The following MACROD2 variants were observed in gnomAD, a reference collection of about 807,000 sequenced individuals.
MACROD2 encodes the protein mono-ADP ribosylhydrolase 2, also known as ADP-ribose glycohydrolase MACROD2.
A neutral mutation model predicts 70.4 loss-of-function variants in MACROD2; 36 were observed. The observed-to-expected ratio is 0.51, with a 90% CI of 0.39 to 0.68. MACROD2 has a LOEUF of 0.68. Ranked by LOEUF, MACROD2 falls within the 30% of genes least tolerant of loss-of-function variation. The pLI, the probability that MACROD2 is intolerant of heterozygous loss-of-function variation, is 0.00. For missense variants in MACROD2, 496 were observed against 538.4 expected (o/e 0.92, Z 0.78); for synonymous variants, 172 against 178.8 (o/e 0.96, Z 0.30).
intron 5 of MACROD2, among the ~76,000 whole-genome samples, chr20:15,163,410 G>A (rs2076361816): frequency 6.6e-6 from 1 of 151,956 alleles, no homozygotes; most frequent in Non-Finnish European, 1.5e-5. Context: ...TAGAAGAAAT[G>A]AACAAGTCTA....
intron 4 of MACROD2, among the ~76,000 whole-genome samples, chr20:14,631,625 ATT>A (rs1265304886): frequency 3.3e-5 from 5 of 152,136 alleles, no homozygotes; most frequent in Non-Finnish European, 7.3e-5. Context: ...AAATAAAAAA[ATT>A]AGCCAGGCAT....
At chr20:14,732,425 A>AT (rs1431141386) in intron 5 of MACROD2, among the ~76,000 whole-genome samples, 1 of 152,188 alleles carries the variant, frequency 6.6e-6, no homozygotes, top group Non-Finnish European at 1.5e-5. Context: ...ACCAATAAAT[A>AT]TAAGGGGTCC....
At chr20:15,917,002 C>G (rs2065328428) in intron 10 of MACROD2, among the ~76,000 whole-genome samples, 1 of 152,186 alleles carries the variant, frequency 6.6e-6, no homozygotes, top group Non-Finnish European at 1.5e-5. Flanking sequence ...TTATTACAAC[C>G]CTTTGAACAT....
intron 8 of MACROD2, among the ~76,000 whole-genome samples, chr20:15,546,123 C>A (rs2048023134): frequency 1.3e-5 from 2 of 152,248 alleles, no homozygotes; most frequent in Admixed American, 1.3e-4. Flanking sequence ...TGCATGCCTG[C>A]AATCTCAGCT....
chr20:14,972,935 T>A (rs1422069341), intron 5 of MACROD2, among the ~76,000 whole-genome samples: 2 of 152,246 alleles, frequency 1.3e-5, no homozygotes, highest in Non-Finnish European at 2.9e-5. Flanking sequence ...TTTCATTCAC[T>A]GAGACAAGTT....
rs750329954 is a variant in MACROD2, at chr20:14,326,048, G to A, written c.272-167431G>A. ...ACAGGAGTTTCATCAAATAGGTAGA[G>A]GTTGCTGGTTTCCATGGGAACCATG... On this transcript the variant is annotated intron_variant, in intron 3 of 17. Transcript: ENST00000684519. The surrounding 1 kb of genome is among the most constrained non-coding windows in gnomAD (Gnocchi z 5.5). The A allele has an allele frequency of 7.4e-6, 12 of 1,613,838 alleles. No individual in the cohort carries two copies. The highest frequency in any genetic ancestry group is 1.0e-5 in the Non-Finnish European group (12 of 1,179,900).
rs2077109783 is a variant in MACROD2, at chr20:15,246,776, T to C, written c.540+16715T>C. Among the ~76,000 whole-genome samples the C allele has an allele frequency of 2.0e-5, 3 of 152,174 alleles. No individual in the cohort carries two copies. The South Asian group carries it at 6.2e-4, about 32-fold the overall frequency. On this transcript the variant is annotated intron_variant, in intron 6 of 17. Coordinates refer to ENST00000684519, the MANE Select transcript of MACROD2 (RefSeq NM_001351661.2). The stretch of plus-strand genomic sequence containing the variant: ...ATATAAACTTATACACTAATGTTCA[T>C]AGCAGCATTATTATTAATAGCAATA...
intron 8 of MACROD2, among the ~76,000 whole-genome samples, chr20:15,831,923 T>C (rs542704184): frequency 1.3e-5 from 2 of 152,310 alleles, no homozygotes; most frequent in African/African-American, 4.8e-5. Context: ...ATGTTTGTGT[T>C]GTTTAGCAAA....
At chr20:14,088,655 A>C (rs1440511288) in intron 3 of MACROD2, among the ~76,000 whole-genome samples, 2 of 152,204 alleles carry the variant, frequency 1.3e-5, no homozygotes, top group Non-Finnish European at 2.9e-5. Context: ...CCACGTTAGC[A>C]CACACTTAAT....
chr20:15,986,299 C>CT (rs2066482635), intron 13 of MACROD2, among the ~76,000 whole-genome samples: 1 of 152,126 alleles, frequency 6.6e-6, no homozygotes, highest in South Asian at 2.1e-4. Flanking sequence ...GTTTTTTATG[C>CT]TCTGTTGATG....
At chr20:15,132,863 G>A (rs1318734195) in intron 5 of MACROD2, among the ~76,000 whole-genome samples, 1 of 152,022 alleles carries the variant, frequency 6.6e-6, no homozygotes, top group Non-Finnish European at 1.5e-5. Context: ...TGGTACTGGA[G>A]AAGAGCAAAA....
intron 13 of MACROD2, among the ~76,000 whole-genome samples, chr20:15,979,454 C>T (rs773425289): frequency 8.5e-5 from 13 of 152,056 alleles, no homozygotes; most frequent in African/African-American, 1.9e-4. Flanking sequence ...AGGGCTGCTG[C>T]GTGTCACATT....
chr20:15,563,694 CATAAA>C (rs1440336172), intron 8 of MACROD2, among the ~76,000 whole-genome samples: 3 of 152,056 alleles, frequency 2.0e-5, no homozygotes, highest in South Asian at 2.1e-4. Flanking sequence ...TGATCAAAGA[CATAAA>C]ATAATATATT....
At chr20:14,598,809 A>G (rs922829775) in intron 4 of MACROD2, among the ~76,000 whole-genome samples, 1 of 152,166 alleles carries the variant, frequency 6.6e-6, no homozygotes, top group African/African-American at 2.4e-5. Flanking sequence ...TGTGTTCTCC[A>G]TGGTGCTATG....
intron 2 of MACROD2, among the ~76,000 whole-genome samples, chr20:14,064,785 A>G (rs1359805668): frequency 6.6e-6 from 1 of 152,142 alleles, no homozygotes; most frequent in African/African-American, 2.4e-5. Context: ...AAATTGCATG[A>G]TATCTGGCCC....
intron 2 of MACROD2, among the ~76,000 whole-genome samples, chr20:14,006,406 CAT>C (rs939124189): frequency 5.9e-5 from 9 of 152,258 alleles, no homozygotes; most frequent in African/African-American, 2.2e-4. Context: ...AATGAAATCA[CAT>C]ATGTCATATA....
At chr20:14,182,176 T>C (rs907645767) in intron 3 of MACROD2, among the ~76,000 whole-genome samples, 9 of 152,210 alleles carry the variant, frequency 5.9e-5, no homozygotes, top group Admixed American at 5.2e-4. Context: ...GAAAAACCTA[T>C]AGCCATCCTA....
chr20:15,225,217 T>C (rs950879534), intron 5 of MACROD2, among the ~76,000 whole-genome samples: 1 of 152,168 alleles, frequency 6.6e-6, no homozygotes, highest in African/African-American at 2.4e-5. Context: ...GTTAAATTCC[T>C]TGAAATTATA....
intron 15 of MACROD2, among the ~76,000 whole-genome samples, chr20:16,032,610 G>A (rs1054896436): frequency 3.3e-5 from 5 of 150,688 alleles, no homozygotes; most frequent in Non-Finnish European, 7.4e-5. Context: ...AGGAAGGAGG[G>A]AAGGAGGGAC....
Sources: allele counts gnomAD v4.1 joint callset (sites outside exome capture counted in the v4.1 genomes callset), GRCh38; gene constraint gnomAD v4.1.1; non-coding constraint Gnocchi (gnomAD v3.1); transcripts MANE v1.5; gene names NCBI Gene and HGNC (gene_info 2026-07-23, HGNC 2026-07-21).